The following PADI4 variants were observed in gnomAD, a reference collection of about 807,000 sequenced individuals.
The protein encoded by PADI4 is peptidyl arginine deiminase 4, also known as protein-arginine deiminase type-4.
In PADI4, 62 loss-of-function variants were observed where a neutral mutation model predicts 75.0. The observed-to-expected ratio is 0.83, with a 90% CI of 0.67 to 1.02. The LOEUF (loss-of-function observed/expected upper bound fraction) is 1.02, where lower values mean the gene tolerates loss of function less well. Among genes scored for constraint, PADI4 ranks in the 50% least tolerant of loss-of-function variants. The pLI, the probability that PADI4 is intolerant of heterozygous loss-of-function variation, is 0.00. For synonymous variants in PADI4, 361 were observed against 348.1 expected, an observed-to-expected ratio of 1.04 and a Z score of -0.41; for missense variants, 845 against 850.5, an observed-to-expected ratio of 0.99 and a Z score of 0.08.
intron 10 of PADI4, among the ~76,000 whole-genome samples, chr1:17,351,831 A>G (rs1202807748): frequency 6.7e-6 from 1 of 148,644 alleles, no homozygotes; most frequent in Non-Finnish European, 1.5e-5. Flanking sequence ...GAGGGCCTGG[A>G]GGGGTAGAGC....
intron 1 of PADI4, among the ~76,000 whole-genome samples, chr1:17,313,727 A>T (rs531872750): frequency 6.6e-6 from 1 of 152,168 alleles, no homozygotes; most frequent in East Asian, 1.9e-4. Flanking sequence ...GGGGTGGTTG[A>T]TCAGGAGATG....
intron 10 of PADI4, among the ~76,000 whole-genome samples, chr1:17,351,470 C>T (rs2074620007): frequency 6.6e-6 from 1 of 151,360 alleles, no homozygotes; most frequent in Non-Finnish European, 1.5e-5. Context: ...ATAAGCCAGG[C>T]ATGGTGGTGC....
chr1:17,337,704 T>C (rs1169288274), intron 4 of PADI4, among the ~76,000 whole-genome samples: 1 of 151,682 alleles, frequency 6.6e-6, no homozygotes, highest in Admixed American at 6.6e-5. Flanking sequence ...GATCATGAGG[T>C]CAAGAGATTG....
chr1:17,347,956 G>T lies in PADI4; in HGVS notation c.1063G>T (p.Gly355Cys), dbSNP rs866316345. ...ACTCCCACAGGATGAAATGGAGATCGGCTACATCCAAGCCCCACACAAAAC... is the reference window on the plus strand; with the variant it reads ...ACTCCCACAGGATGAAATGGAGATCTGCTACATCCAAGCCCCACACAAAAC... ...DQWMQDEMEI[G>C]YIQAPHKTLP... The change falls in exon 10 of 16, where the codon GGC becomes TGC. Residue 355 changes from glycine to cysteine, a missense_variant. Coordinates refer to ENST00000375448, the MANE Select transcript of PADI4 (RefSeq NM_012387.3). 1 of 1,585,696 alleles carries T rather than the reference G, an allele frequency of 6.3e-7. No homozygotes were observed. Among genetic ancestry groups the T allele is most frequent in the South Asian group, 1.1e-5 (1 of 87,676 alleles).
chr1:17,322,858 A>T (rs2074054478), intron 1 of PADI4, among the ~76,000 whole-genome samples: 1 of 144,770 alleles, frequency 6.9e-6, no homozygotes, highest in Admixed American at 7.0e-5. Context: ...TCCCCCTCCC[A>T]CTTCTTCTTT....
chr1:17,318,337 C>T (rs1420954288), intron 1 of PADI4, among the ~76,000 whole-genome samples: 1 of 152,152 alleles, frequency 6.6e-6, no homozygotes, highest in Non-Finnish European at 1.5e-5. Flanking sequence ...CCTGTTTTCT[C>T]ATCTGTAAAA....
At chr1:17,327,872 T>C (rs2074141030) in intron 1 of PADI4, among the ~76,000 whole-genome samples, 2 of 152,186 alleles carry the variant, frequency 1.3e-5, no homozygotes, top group African/African-American at 2.4e-5. Context: ...TTTATTTTTA[T>C]TTGTCCAATT....
rs940162849 is a variant in PADI4, at chr1:17,354,563, C to T, written c.1186C>T (p.Pro396Ser). ...AGATTTTGGCTATGTAACTCGAGGG[C>T]CCCAAACAGGGGGTATCAGTGGACT... ...GPDFGYVTRGPQTGGISGLDS... is the reference protein window; with the variant it reads ...GPDFGYVTRGSQTGGISGLDS... The change falls in exon 11 of 16, where the codon CCC (proline) becomes TCC (serine). Residue 396 changes from proline to serine, a missense_variant. Pro to Ser is a moderately conservative substitution (Grantham distance 74, BLOSUM62 -1). Transcript: ENST00000375448. 2 of 1,614,088 alleles carry T rather than the reference C, an allele frequency of 1.2e-6. No homozygotes were observed. Among genetic ancestry groups the T allele is most frequent in the East Asian group, 4.5e-5 (2 of 44,872 alleles).
chr1:17,341,101 C>CTTTT (rs34852999), intron 6 of PADI4, among the ~76,000 whole-genome samples: 1 of 119,826 alleles, frequency 8.3e-6, no homozygotes, highest in African/African-American at 3.1e-5. Flanking sequence ...GCCTCTGTTT[C>CTTTT]TTTTTTTTTT....
At chr1:17,321,130 G>T (rs913824858) in intron 1 of PADI4, among the ~76,000 whole-genome samples, 1 of 152,080 alleles carries the variant, frequency 6.6e-6, no homozygotes, top group Admixed American at 6.5e-5. Context: ...AGTGATAAAG[G>T]GAGGATTCGA....
At chr1:17,359,200 G>A (rs2074811054) in intron 14 of PADI4, 80 bp from the exon 15 acceptor site, 1 of 1,025,474 alleles carries the variant, frequency 9.8e-7, no homozygotes, top group Non-Finnish European at 1.5e-6. Flanking sequence ...CCGGCAGGGG[G>A]CCTCAGCCCC....
rs1168147339 is a variant in PADI4, at chr1:17,354,575, G to T, written c.1198G>T (p.Gly400Cys). Reference sequence around the variant, plus strand: ...TGTAACTCGAGGGCCCCAAACAGGGGGTATCAGTGGACTGGACTCCTTTGG... The same window carrying T: ...TGTAACTCGAGGGCCCCAAACAGGGTGTATCAGTGGACTGGACTCCTTTGG... Reference protein sequence around the residue: ...GYVTRGPQTGGISGLDSFGNL... With the variant: ...GYVTRGPQTGCISGLDSFGNL... The change falls in exon 11 of 16, where the codon GGT becomes TGT. Residue 400 changes from glycine (G) to cysteine (C), a missense_variant. Transcript: ENST00000375448. 1 of 1,614,016 alleles carries T rather than the reference G, an allele frequency of 6.2e-7. No homozygotes were observed. The highest frequency in any genetic ancestry group is 8.5e-7 in the Non-Finnish European group (1 of 1,180,018).
chr1:17,310,907 G>A (rs1358020060), intron 1 of PADI4, among the ~76,000 whole-genome samples: 1 of 152,076 alleles, frequency 6.6e-6, no homozygotes, highest in Non-Finnish European at 1.5e-5. Flanking sequence ...GACCATCCTG[G>A]CTAACATGGT....
intron 11 of PADI4, 115 bp from the exon 12 acceptor site, chr1:17,355,868 G>T: frequency 1.0e-6 from 1 of 972,368 alleles, no homozygotes; most frequent in Non-Finnish European, 1.7e-6. Flanking sequence ...CTAGACTCCT[G>T]CATCCCTTTC....
chr1:17,319,702 T>C (rs371084281), intron 1 of PADI4, among the ~76,000 whole-genome samples: 1 of 152,246 alleles, frequency 6.6e-6, no homozygotes, highest in South Asian at 2.1e-4. Flanking sequence ...TGCCACATGG[T>C]TGAACAATAT....
At chr1:17,362,588 G>A (rs918695084) in intron 15 of PADI4, among the ~76,000 whole-genome samples, 1 of 152,078 alleles carries the variant, frequency 6.6e-6, no homozygotes, top group African/African-American at 2.4e-5. Flanking sequence ...TATCGGGTAC[G>A]ATGTTCATTG....
chr1:17,318,979 C>T (rs556415954), intron 1 of PADI4, among the ~76,000 whole-genome samples: 2 of 151,868 alleles, frequency 1.3e-5, no homozygotes, highest in East Asian at 1.9e-4. Flanking sequence ...GGAGCCACTG[C>T]GCCCAGCCTT....
At chr1:17,341,867 G>A in intron 6 of PADI4, 76 bp from the exon 7 acceptor site, 2 of 1,142,160 alleles carry the variant, frequency 1.8e-6, no homozygotes, top group Non-Finnish European at 2.5e-6. Flanking sequence ...AAAGGCTTCT[G>A]GGGAGCACTA....
At chr1:17,313,411 G>C (rs1395306497) in intron 1 of PADI4, among the ~76,000 whole-genome samples, 4 of 132,254 alleles carry the variant, frequency 3.0e-5, no homozygotes, top group African/African-American at 1.1e-4. Context: ...TGAGGCACGA[G>C]AATTGCTTGA....
Sources: allele counts gnomAD v4.1 joint callset (sites outside exome capture counted in the v4.1 genomes callset), GRCh38; gene constraint gnomAD v4.1.1; transcripts MANE v1.5; gene names NCBI Gene and HGNC (gene_info 2026-07-23, HGNC 2026-07-21).